IMMP2L: variants seen among roughly 807,000 people sequenced by gnomAD.
IMMP2L encodes mitochondrial inner membrane protease subunit 2.
A neutral mutation model predicts 19.3 loss-of-function variants in IMMP2L; 18 were observed. The observed-to-expected ratio is 0.93, with a 90% CI of 0.64 to 1.38. IMMP2L has a LOEUF of 1.38. Ranked by LOEUF, IMMP2L falls within the 40% of genes most tolerant of loss-of-function variation. IMMP2L has a pLI of 0.00. For synonymous variants in IMMP2L, 76 were observed against 73.0 expected, an observed-to-expected ratio of 1.04 and a Z score of -0.21; for missense variants, 233 against 218.2, an observed-to-expected ratio of 1.07 and a Z score of -0.43.
chr7:111,474,770 T>C lies in IMMP2L; in HGVS notation c.239+12468A>G, dbSNP rs1327328640. Among the ~76,000 whole-genome samples, 10 of 152,242 alleles carry C rather than the reference T, an allele frequency of 6.6e-5. No homozygotes were observed. In the East Asian group the frequency reaches 1.9e-3, roughly 29 times the overall value. On this transcript the variant is annotated intron_variant, in intron 3 of 5. Coordinates refer to ENST00000405709, the MANE Select transcript of IMMP2L (RefSeq NM_032549.4). ...TTGCAACTCAATTAACACAGTGTCA[T>C]TGTTACCAAAGCTTTCCTATTATTT...
chr7:111,099,631 T>C (rs1447644348), intron 3 of IMMP2L, among the ~76,000 whole-genome samples: 3 of 151,584 alleles, frequency 2.0e-5, no homozygotes, highest in Non-Finnish European at 4.4e-5. Context: ...TGCTGAGGAT[T>C]CCTCCAGTGA....
chr7:110,840,679 T>C (rs1443792518), intron 5 of IMMP2L, among the ~76,000 whole-genome samples: 1 of 152,134 alleles, frequency 6.6e-6, no homozygotes, highest in Non-Finnish European at 1.5e-5. Context: ...TTTTAGAATA[T>C]CTACCTTCCT....
chr7:111,021,587 A>G (rs184472103), intron 3 of IMMP2L, among the ~76,000 whole-genome samples: 78 of 152,344 alleles, frequency 5.1e-4, no homozygotes, highest in African/African-American at 1.9e-3. Flanking sequence ...ACCTCTTTAT[A>G]AAACCATCAG....
At chr7:111,124,222 A>T (rs762558477) in intron 3 of IMMP2L, 1 of 1,613,960 alleles carries the variant, frequency 6.2e-7, no homozygotes, top group South Asian at 1.1e-5. Context: ...ACTAGATATA[A>T]ATGGCGTAAC....
intron 3 of IMMP2L, among the ~76,000 whole-genome samples, chr7:111,414,489 A>G (rs1234388240): frequency 6.6e-5 from 10 of 151,914 alleles, no homozygotes; most frequent in Admixed American, 3.9e-4. Context: ...AACAGTAAAA[A>G]GAACAGTAGT....
intron 5 of IMMP2L, among the ~76,000 whole-genome samples, chr7:110,729,676 G>A (rs1276418956): frequency 6.6e-6 from 1 of 152,220 alleles, no homozygotes; most frequent in Non-Finnish European, 1.5e-5. Flanking sequence ...TCAAAGCAAT[G>A]TATCTGTTCT....
intron 3 of IMMP2L, among the ~76,000 whole-genome samples, chr7:111,009,593 A>G (rs1431879217): frequency 1.3e-5 from 2 of 152,114 alleles, no homozygotes; most frequent in African/African-American, 4.8e-5. Context: ...TAATATGAGA[A>G]AATTTTAAAT....
At chr7:111,403,433 C>A (rs37681) in intron 3 of IMMP2L, among the ~76,000 whole-genome samples, 2 of 151,254 alleles carry the variant, frequency 1.3e-5, no homozygotes, top group Non-Finnish European at 2.9e-5. Context: ...TAAAAACAGA[C>A]TAATACAGCC....
intron 3 of IMMP2L, among the ~76,000 whole-genome samples, chr7:111,451,134 T>C (rs1839118729): frequency 6.8e-6 from 1 of 146,440 alleles, no homozygotes; most frequent in Non-Finnish European, 1.5e-5. Flanking sequence ...AGTTCAACCA[T>C]TGTGGAAGTC....
At chr7:111,290,417 T>C (rs540657484) in intron 3 of IMMP2L, among the ~76,000 whole-genome samples, 3 of 152,260 alleles carry the variant, frequency 2.0e-5, no homozygotes, top group African/African-American at 7.2e-5. Context: ...CTGATCATAT[T>C]TGTATATTCG....
At chr7:111,085,756 C>A (rs12669996) in intron 3 of IMMP2L, among the ~76,000 whole-genome samples, 1 of 152,204 alleles carries the variant, frequency 6.6e-6, no homozygotes, top group South Asian at 2.1e-4. Context: ...CAGTGATAGA[C>A]TGGATAAAGA....
intron 5 of IMMP2L, among the ~76,000 whole-genome samples, chr7:110,788,141 C>A (rs1339998899): frequency 6.6e-6 from 1 of 151,996 alleles, no homozygotes; most frequent in Non-Finnish European, 1.5e-5. Flanking sequence ...GACCTAACAT[C>A]TCCTCTAAAA....
At chr7:110,846,079 C>T (rs1442194168) in intron 5 of IMMP2L, among the ~76,000 whole-genome samples, 2 of 152,160 alleles carry the variant, frequency 1.3e-5, no homozygotes, top group Non-Finnish European at 2.9e-5. Flanking sequence ...GACTGAGACA[C>T]ACATTGTTCT....
intron 3 of IMMP2L, among the ~76,000 whole-genome samples, chr7:110,997,326 T>C (rs1823142352): frequency 6.6e-6 from 1 of 152,120 alleles, no homozygotes; most frequent in South Asian, 2.1e-4. Flanking sequence ...TTTCCAGTTT[T>C]AGGCTATTAC....
chr7:111,194,477 T>C (rs897537252), intron 3 of IMMP2L, among the ~76,000 whole-genome samples: 8 of 152,238 alleles, frequency 5.3e-5, no homozygotes, highest in East Asian at 1.9e-4. Flanking sequence ...ATTTGTAATT[T>C]TGTACCATAA....
chr7:110,861,389 C>T (rs1191122803), intron 5 of IMMP2L, among the ~76,000 whole-genome samples: 1 of 151,766 alleles, frequency 6.6e-6, no homozygotes, highest in African/African-American at 2.4e-5. Flanking sequence ...AGGTAATCCT[C>T]CCGAGTAGGA....
chr7:111,069,663 C>A (rs905183386), intron 3 of IMMP2L, among the ~76,000 whole-genome samples: 2 of 152,054 alleles, frequency 1.3e-5, no homozygotes, highest in African/African-American at 4.8e-5. Context: ...AGACTCTCTG[C>A]AGTATTGCTC....
intron 5 of IMMP2L, among the ~76,000 whole-genome samples, chr7:110,761,355 T>C (rs1584749044): frequency 6.6e-6 from 1 of 152,274 alleles, no homozygotes; most frequent in Non-Finnish European, 1.5e-5. Flanking sequence ...TGATGTCCTT[T>C]CCATGACAGA....
At chr7:110,667,009 C>G (rs1791507835) in intron 5 of IMMP2L, among the ~76,000 whole-genome samples, 1 of 152,072 alleles carries the variant, frequency 6.6e-6, no homozygotes, top group Non-Finnish European at 1.5e-5. Flanking sequence ...GTAGCTGGGA[C>G]TACGGGCACC....
Sources: allele counts gnomAD v4.1 joint callset (sites outside exome capture counted in the v4.1 genomes callset), GRCh38; gene constraint gnomAD v4.1.1; transcripts MANE v1.5; gene names NCBI Gene and HGNC (gene_info 2026-07-23, HGNC 2026-07-21).